Variants in PDS5B observed in about 807,000 individuals in gnomAD.
PDS5B encodes PDS5 cohesin associated factor B, also known as sister chromatid cohesion protein PDS5 homolog B.
A neutral mutation model predicts 184.1 loss-of-function variants in PDS5B; 51 were observed. The ratio of observed to expected loss-of-function variants is 0.28; its 90% CI spans 0.22 to 0.35. The LOEUF (loss-of-function observed/expected upper bound fraction) is 0.35. PDS5B is among the 10% of genes least tolerant of loss of function. The pLI is 1.00. For synonymous variants in PDS5B, 566 were observed against 569.2 expected, an observed-to-expected ratio of 0.99 and a Z score of 0.08; for missense variants, 1,180 against 1,723.3, an observed-to-expected ratio of 0.68 and a Z score of 5.58.
At chr13:32,619,146 T>C (rs1216351141) in intron 1 of PDS5B, among the ~76,000 whole-genome samples, 2 of 133,964 alleles carry the variant, frequency 1.5e-5, no homozygotes, top group African/African-American at 5.7e-5. Flanking sequence ...ATTTAAAAAT[T>C]TGGTGGTAAG....
chr13:32,595,493 A>G (rs369408325), intron 1 of PDS5B, among the ~76,000 whole-genome samples: 3 of 152,328 alleles, frequency 2.0e-5, no homozygotes. Flanking sequence ...TCAAAACACA[A>G]CTATGTAGAA....
intron 25 of PDS5B, among the ~76,000 whole-genome samples, chr13:32,754,353 C>T (rs780585228): frequency 1.3e-5 from 2 of 152,118 alleles, no homozygotes; most frequent in Non-Finnish European, 2.9e-5. Context: ...TTGCTCTCAG[C>T]CTGAGTTTCA....
At chr13:32,711,062 A>G (rs1002813262) in intron 19 of PDS5B, among the ~76,000 whole-genome samples, 31 of 150,942 alleles carry the variant, frequency 2.1e-4, no homozygotes, top group Non-Finnish European at 4.0e-4. Context: ...GTGTGATCTC[A>G]GCTCACTGCA....
At chr13:32,675,621 A>G (rs1313916587) in intron 8 of PDS5B, among the ~76,000 whole-genome samples, 2 of 152,214 alleles carry the variant, frequency 1.3e-5, no homozygotes, top group Non-Finnish European at 2.9e-5. Flanking sequence ...ATGTATTTTC[A>G]TGAAAGGTAC....
chr13:32,640,268 A>G (rs1295539035), intron 1 of PDS5B, among the ~76,000 whole-genome samples: 2 of 151,986 alleles, frequency 1.3e-5, no homozygotes, highest in Non-Finnish European at 2.9e-5. Flanking sequence ...TCTTTTTGAG[A>G]TGAAATCTCG....
At chr13:32,609,126 T>C (rs1392652775) in intron 1 of PDS5B, among the ~76,000 whole-genome samples, 3 of 152,202 alleles carry the variant, frequency 2.0e-5, no homozygotes, top group African/African-American at 7.2e-5. Flanking sequence ...GGTTGGAAAA[T>C]TGTACTTTTG....
In PDS5B at chr13:32,648,765, T is replaced by G. The variant is rs1194849205; in HGVS notation, c.-8T>G. 7.7e-7 allele frequency: 1 copy of G among 1,303,142 alleles called. No individual in the cohort carries two copies. Among genetic ancestry groups the G allele is most frequent in the Non-Finnish European group, 1.1e-6 (1 of 898,770 alleles). 80.7% of individuals were successfully genotyped at this position (1,303,142 alleles called of 1,614,324 possible). On this transcript the variant is annotated 5_prime_UTR_variant, in exon 2 of 35. Transcript: ENST00000315596. ...TTTTCTTGTTTCAGGGGTAGAAATA[T>G]TTCTGTCATGGCTCATTCAAAGACT...
chr13:32,718,008 A>G (rs1161031803), intron 19 of PDS5B, among the ~76,000 whole-genome samples: 1 of 151,744 alleles, frequency 6.6e-6, no homozygotes, highest in Non-Finnish European at 1.5e-5. Context: ...AGAATATATT[A>G]TGGCCAAACA....
chr13:32,676,458 T>C (rs895130021), intron 9 of PDS5B, among the ~76,000 whole-genome samples: 6 of 152,106 alleles, frequency 3.9e-5, no homozygotes, highest in Non-Finnish European at 8.8e-5. Flanking sequence ...ATCCCTGAAA[T>C]GGTTGCAGAA....
At chr13:32,767,047 C>G (rs1954608232) in intron 31 of PDS5B, among the ~76,000 whole-genome samples, 2 of 152,026 alleles carry the variant, frequency 1.3e-5, no homozygotes, top group Admixed American at 6.5e-5. Flanking sequence ...CAAACTAAAT[C>G]CAGTCATGTA....
At chr13:32,759,957 A>G (rs1374876693) in intron 29 of PDS5B, among the ~76,000 whole-genome samples, 3 of 151,974 alleles carry the variant, frequency 2.0e-5, no homozygotes, top group Non-Finnish European at 2.9e-5. Context: ...GATAAAAAAA[A>G]TCTTAAAAGG....
intron 14 of PDS5B, among the ~76,000 whole-genome samples, chr13:32,695,680 G>C (rs1292019317): frequency 6.6e-6 from 1 of 152,016 alleles, no homozygotes; most frequent in Non-Finnish European, 1.5e-5. Context: ...TGATGTGTGA[G>C]ATTGTAATCA....
intron 33 of PDS5B, among the ~76,000 whole-genome samples, chr13:32,771,936 G>A (rs1418046317): frequency 3.4e-5 from 5 of 148,336 alleles, no homozygotes; most frequent in Non-Finnish European, 7.4e-5. Flanking sequence ...AACCAAACAA[G>A]TATTTCTTAA....
intron 1 of PDS5B, among the ~76,000 whole-genome samples, chr13:32,629,258 G>A (rs963760555): frequency 9.2e-5 from 14 of 151,730 alleles, no homozygotes; most frequent in Non-Finnish European, 8.8e-5. Context: ...CGAGTTGTTC[G>A]ATTTTTTTTT....
intron 1 of PDS5B, among the ~76,000 whole-genome samples, chr13:32,631,499 CT>C (rs1446296156): frequency 2.8e-4 from 42 of 152,156 alleles, no homozygotes; most frequent in Non-Finnish European, 4.6e-4. Flanking sequence ...TAATCTTTGG[CT>C]TTCTCCTACA....
intron 13 of PDS5B, chr13:32,690,284 C>G (rs961761391): frequency 6.6e-6 from 1 of 152,212 alleles, no homozygotes; most frequent in African/African-American, 2.4e-5. Context: ...TCCTACCATG[C>G]CTGGGCAGGG....
At chr13:32,742,869 G>A in intron 23 of PDS5B, 142 bp downstream of exon 23, 1 of 740,410 alleles carries the variant, frequency 1.4e-6, no homozygotes, top group African/African-American at 1.8e-5. Context: ...ACTGGAATAT[G>A]CTTTTGTACA....
chr13:32,594,985 T>G (rs541078302), intron 1 of PDS5B, among the ~76,000 whole-genome samples: 37 of 152,340 alleles, frequency 2.4e-4, no homozygotes, highest in African/African-American at 7.2e-4. Flanking sequence ...TATACGTGTC[T>G]TCTTCTCCAA....
intron 25 of PDS5B, 116 bp downstream of exon 25, chr13:32,753,652 A>G (rs1279239924): frequency 3.0e-6 from 2 of 657,568 alleles, no homozygotes; most frequent in Admixed American, 3.1e-5. Context: ...AACAATTTTT[A>G]TTACCATTTT....
Sources: allele counts gnomAD v4.1 joint callset (sites outside exome capture counted in the v4.1 genomes callset), GRCh38; gene constraint gnomAD v4.1.1; transcripts MANE v1.5; gene names NCBI Gene and HGNC (gene_info 2026-07-23, HGNC 2026-07-21).